THSD7B: variants seen among roughly 807,000 people sequenced by gnomAD.
THSD7B encodes the protein thrombospondin type-1 domain-containing protein 7B.
In THSD7B, 138 loss-of-function variants were observed where a neutral mutation model predicts 213.6. That is an observed-to-expected ratio of 0.65 (90% CI 0.56 to 0.74). The LOEUF is 0.74. Among genes scored for constraint, THSD7B ranks in the 30% least tolerant of loss-of-function variants. The probability of loss-of-function intolerance (pLI) is 0.00; values close to 1 mark genes in which losing one functional copy is unlikely to be tolerated. For missense variants in THSD7B, 1,931 were observed against 1,991.5 expected (o/e 0.97, Z 0.58); for synonymous variants, 742 against 687.0 (o/e 1.08, Z -1.25).
At chr2:137,646,202 G>A (rs1683028037) in intron 21 of THSD7B, among the ~76,000 whole-genome samples, 1 of 152,172 alleles carries the variant, frequency 6.6e-6, no homozygotes, top group African/African-American at 2.4e-5. Context: ...CAGAAGTGGA[G>A]TTATTGGAAG....
At chr2:137,042,828 T>C (rs1173594932) in intron 2 of THSD7B, among the ~76,000 whole-genome samples, 1 of 152,364 alleles carries the variant, frequency 6.6e-6, no homozygotes, top group African/African-American at 2.4e-5. Context: ...ATTTTCATTA[T>C]GTAATTGTAA....
chr2:137,261,895 G>A (rs1289151005), intron 10 of THSD7B, among the ~76,000 whole-genome samples: 4 of 147,650 alleles, frequency 2.7e-5, no homozygotes, highest in African/African-American at 1.0e-4. Flanking sequence ...ATCATGGAAA[G>A]GACATTGAGG....
At chr2:137,267,536 C>T (rs1358992022) in intron 10 of THSD7B, among the ~76,000 whole-genome samples, 2 of 140,406 alleles carry the variant, frequency 1.4e-5, no homozygotes, top group African/African-American at 5.2e-5. Flanking sequence ...TCCCCTCTTT[C>T]CCTTCATCAT....
chr2:137,626,332 C>T (rs1178854734), intron 20 of THSD7B, among the ~76,000 whole-genome samples: 1 of 151,986 alleles, frequency 6.6e-6, no homozygotes, highest in Non-Finnish European at 1.5e-5. Flanking sequence ...GGTGCCGTGG[C>T]GGGCGCCTGT....
chr2:137,072,390 A>C (rs1275209211), intron 3 of THSD7B, among the ~76,000 whole-genome samples: 6 of 150,122 alleles, frequency 4.0e-5, no homozygotes, highest in African/African-American at 1.3e-4. Flanking sequence ...GAGTTTACTC[A>C]TGATTTGGCT....
Position 136,880,156 on chromosome 2 carries a change from A to T in THSD7B, c.-35-1988A>T, listed in dbSNP as rs1390427937. Among the ~76,000 whole-genome samples the T allele has an allele frequency of 3.3e-5, 5 of 152,176 alleles. No homozygotes were observed. The East Asian group carries it at 9.6e-4, about 29-fold the overall frequency. ...AGAACTCTCCACCTCAAATCAACAGAATATACATTCTTCTCAGCACCACAC... is the reference window on the plus strand; with the variant it reads ...AGAACTCTCCACCTCAAATCAACAGTATATACATTCTTCTCAGCACCACAC... On this transcript the variant is annotated intron_variant, in intron 1 of 27. Coordinates refer to ENST00000409968, the MANE Select transcript of THSD7B (RefSeq NM_001316349.2).
At chr2:137,555,400 T>C (rs946602342) in intron 15 of THSD7B, among the ~76,000 whole-genome samples, 12 of 152,240 alleles carry the variant, frequency 7.9e-5, no homozygotes, top group African/African-American at 2.9e-4. Flanking sequence ...TTCGCTGTTC[T>C]GCAGCATCTG....
intron 12 of THSD7B, among the ~76,000 whole-genome samples, chr2:137,308,163 T>C (rs749269302): frequency 7.2e-5 from 11 of 152,028 alleles, no homozygotes; most frequent in Admixed American, 2.0e-4. Flanking sequence ...GAACATTGTA[T>C]GCATGTGCAC....
intron 17 of THSD7B, among the ~76,000 whole-genome samples, chr2:137,579,440 C>G (rs1434192431): frequency 1.3e-5 from 2 of 152,162 alleles, no homozygotes; most frequent in South Asian, 2.1e-4. Flanking sequence ...AGCTTGCAGA[C>G]TGCAGAACTT....
chr2:136,775,118 A>G (rs923083904), intron 1 of THSD7B, among the ~76,000 whole-genome samples: 11 of 152,114 alleles, frequency 7.2e-5, no homozygotes, highest in African/African-American at 1.4e-4. Context: ...ATATATGTCT[A>G]TCTCTCTTAG....
In THSD7B at chr2:137,094,945, G is replaced by A. The variant is rs1688013229; in HGVS notation, c.1023G>A (p.Gln341=). The change falls in exon 4 of 28, where the codon CAG becomes CAA. Residue 341 remains glutamine (Q), a synonymous_variant. Coordinates refer to ENST00000409968, the MANE Select transcript of THSD7B (RefSeq NM_001316349.2). ...CIMPKDCETS[Q]WSSWSPCSKT... ...TGCCCAAAGACTGTGAAACCTCCCA[G>A]TGGTCCTCCTGGAGCCCCTGCTCCA... 4 of 1,613,634 alleles carry A rather than the reference G, an allele frequency of 2.5e-6. No individual in the cohort carries two copies. The highest frequency in any genetic ancestry group is 1.3e-5 in the African/African-American group (1 of 74,848).
At chr2:137,102,146 A>C (rs548324012) in intron 4 of THSD7B, among the ~76,000 whole-genome samples, 1 of 152,196 alleles carries the variant, frequency 6.6e-6, no homozygotes. Flanking sequence ...GAGAGTTCCA[A>C]CTGGCATCTG....
At chr2:137,291,393 T>C (rs1286817462) in intron 12 of THSD7B, among the ~76,000 whole-genome samples, 1 of 152,162 alleles carries the variant, frequency 6.6e-6, no homozygotes, top group Non-Finnish European at 1.5e-5. Flanking sequence ...CTTATTCGTC[T>C]TTATATCCCC....
At chr2:137,282,045 C>T (rs962950846) in intron 12 of THSD7B, among the ~76,000 whole-genome samples, 6 of 151,854 alleles carry the variant, frequency 4.0e-5, no homozygotes, top group African/African-American at 1.5e-4. Flanking sequence ...TCCTATTTCT[C>T]CACATCCTCT....
At chr2:137,542,269 A>C (rs1680624131) in intron 15 of THSD7B, among the ~76,000 whole-genome samples, 1 of 151,726 alleles carries the variant, frequency 6.6e-6, no homozygotes, top group African/African-American at 2.4e-5. Flanking sequence ...TCTCATCAGA[A>C]ACCGTGGAGG....
chr2:137,440,462 C>CAT (rs577331671), intron 14 of THSD7B, among the ~76,000 whole-genome samples: 1 of 144,592 alleles, frequency 6.9e-6, no homozygotes, highest in African/African-American at 2.5e-5. Context: ...CTCACCTTAC[C>CAT]TTTTTTTTTT....
chr2:136,883,787 CAAACTT>C (rs1683666826), intron 2 of THSD7B, among the ~76,000 whole-genome samples: 1 of 152,114 alleles, frequency 6.6e-6, no homozygotes, highest in Admixed American at 6.6e-5. Flanking sequence ...TGGTAACTGT[CAAACTT>C]AAGTTTCAGA....
intron 2 of THSD7B, among the ~76,000 whole-genome samples, chr2:136,967,642 A>C (rs1293381207): frequency 2.6e-5 from 4 of 152,358 alleles, no homozygotes; most frequent in South Asian, 4.1e-4. Flanking sequence ...AGTTTGAAGA[A>C]TAATGGTAAA....
intron 2 of THSD7B, among the ~76,000 whole-genome samples, chr2:137,024,464 A>G (rs1686508238): frequency 6.6e-6 from 1 of 152,198 alleles, no homozygotes; most frequent in African/African-American, 2.4e-5. Context: ...ATTACCAATT[A>G]TAAAAGTCAT....
Sources: gnomAD v4.1 joint callset for allele counts (sites outside exome capture counted in the v4.1 genomes callset) on GRCh38, gnomAD v4.1.1 for gene constraint, MANE v1.5 for transcripts, NCBI Gene and HGNC (gene_info 2026-07-23, HGNC 2026-07-21) for gene names.